Variants in COMMD10 observed in about 807,000 individuals in gnomAD.
COMMD10 encodes the protein COMM domain-containing protein 10.
Under a neutral mutation model 28.9 loss-of-function variants are expected in COMMD10, and 33 were observed. The ratio of observed to expected loss-of-function variants is 1.14; its 90% CI spans 0.87 to 1.53. The LOEUF is 1.53. Among genes scored for constraint, COMMD10 ranks in the 40% most tolerant of loss-of-function variants. The pLI is 0.00. For synonymous variants in COMMD10, 110 were observed against 81.7 expected (o/e 1.35, Z -1.87); for missense variants, 310 against 233.4 (o/e 1.33, Z -2.14).
chr5:116,187,266 A>G (rs1326365441), intron 5 of COMMD10, among the ~76,000 whole-genome samples: 1 of 152,154 alleles, frequency 6.6e-6, no homozygotes, highest in Non-Finnish European at 1.5e-5. Flanking sequence ...CTGAAAGCCA[A>G]ATGTTTAGCT....
At chr5:116,180,704 AT>A (rs144906822) in intron 5 of COMMD10, among the ~76,000 whole-genome samples, 4,289 of 152,174 alleles carry the variant, frequency 0.028, 105 homozygotes, top group East Asian at 0.14. Flanking sequence ...AACTAAAAAA[AT>A]ATATTCTTAA....
chr5:116,245,767 A>G (rs1749932908), intron 5 of COMMD10, among the ~76,000 whole-genome samples: 1 of 152,142 alleles, frequency 6.6e-6, no homozygotes, highest in Non-Finnish European at 1.5e-5. Flanking sequence ...AGATGCAGAA[A>G]AGGCATTTGA....
chr5:116,174,494 G>T lies in COMMD10; in HGVS notation c.510+40316G>T, dbSNP rs188909942. Among the ~76,000 whole-genome samples the T allele has an allele frequency of 1.2e-4, 18 of 152,270 alleles. No homozygotes were observed. In the East Asian group the frequency reaches 3.3e-3, roughly 28 times the overall value. Reference sequence around the variant, plus strand: ...ATAGCTACTGCACAGAAAACAGATTGCAAGGGAGCAATGATATAACTGATG... The same window carrying T: ...ATAGCTACTGCACAGAAAACAGATTTCAAGGGAGCAATGATATAACTGATG... On this transcript the variant is annotated intron_variant, in intron 5 of 6. Coordinates refer to ENST00000274458, the MANE Select transcript of COMMD10 (RefSeq NM_016144.4).
chr5:116,249,004 T>C (rs1021718439), intron 5 of COMMD10, among the ~76,000 whole-genome samples: 5 of 152,020 alleles, frequency 3.3e-5, no homozygotes, highest in African/African-American at 1.2e-4. Flanking sequence ...ATTATACTTT[T>C]AAGCTGTGTT....
intron 5 of COMMD10, among the ~76,000 whole-genome samples, chr5:116,262,046 C>T (rs1031218087): frequency 2.6e-5 from 4 of 151,566 alleles, no homozygotes; most frequent in Non-Finnish European, 5.9e-5. Flanking sequence ...GAAGGTAAGG[C>T]ACAGAGAGGT....
intron 5 of COMMD10, among the ~76,000 whole-genome samples, chr5:116,219,001 G>T (rs576278355): frequency 6.6e-6 from 1 of 152,132 alleles, no homozygotes; most frequent in South Asian, 2.1e-4. Context: ...TAAGGATAGG[G>T]CTATTATCCA....
chr5:116,167,374 G>A (rs1300045536), intron 5 of COMMD10, among the ~76,000 whole-genome samples: 4 of 152,138 alleles, frequency 2.6e-5, no homozygotes, highest in South Asian at 4.1e-4. Context: ...TTTGATTGGT[G>A]TACCTGAAAG....
chr5:116,182,674 T>A (rs1005443277), intron 5 of COMMD10, among the ~76,000 whole-genome samples: 1 of 152,028 alleles, frequency 6.6e-6, no homozygotes, highest in African/African-American at 2.4e-5. Context: ...TACTAAAAAA[T>A]TAGAAAGCCA....
chr5:116,259,179 C>T (rs577647430), intron 5 of COMMD10, among the ~76,000 whole-genome samples: 2 of 151,116 alleles, frequency 1.3e-5, no homozygotes, highest in East Asian at 2.0e-4. Flanking sequence ...TCTCCCACCT[C>T]AGCCTCCAGA....
In COMMD10 at chr5:116,194,557, A is replaced by G. The variant is rs185899313; in HGVS notation, c.510+60379A>G. Among the ~76,000 whole-genome samples, 104 of 152,342 alleles carry G rather than the reference A, an allele frequency of 6.8e-4. 1 individual carries two copies. In the Middle Eastern group the frequency reaches 0.01, roughly 15 times the overall value. On this transcript the variant is annotated intron_variant, in intron 5 of 6. Coordinates refer to ENST00000274458, the MANE Select transcript of COMMD10 (RefSeq NM_016144.4). ...GTGAACAACTTTATGCACATAAACT[A>G]GAAAACCAAGAAGAGATGGATAAAT...
At chr5:116,115,148 C>G (rs1215399766) in intron 4 of COMMD10, among the ~76,000 whole-genome samples, 4 of 152,062 alleles carry the variant, frequency 2.6e-5, no homozygotes, top group Admixed American at 2.0e-4. Context: ...GGTGTGGAAC[C>G]CAGGGTGTGT....
intron 5 of COMMD10, among the ~76,000 whole-genome samples, chr5:116,246,040 A>G: frequency 6.6e-6 from 1 of 152,310 alleles, no homozygotes; most frequent in East Asian, 1.9e-4. Flanking sequence ...AGAGGAAGTC[A>G]GACTATCCCT....
intron 5 of COMMD10, among the ~76,000 whole-genome samples, chr5:116,181,277 G>C (rs1027077669): frequency 2.0e-5 from 3 of 151,962 alleles, no homozygotes; most frequent in East Asian, 3.9e-4. Context: ...TGTATGGTCA[G>C]TTGATAATAT....
chr5:116,151,660 A>G (rs1226596586), intron 5 of COMMD10, among the ~76,000 whole-genome samples: 1 of 152,128 alleles, frequency 6.6e-6, no homozygotes, highest in Non-Finnish European at 1.5e-5. Context: ...TGTTCGTAGT[A>G]TTCTCTGATG....
At chr5:116,207,592 C>G (rs1356685980) in intron 5 of COMMD10, among the ~76,000 whole-genome samples, 40 of 152,050 alleles carry the variant, frequency 2.6e-4, no homozygotes, top group Admixed American at 2.6e-3. Flanking sequence ...GTGGCATGAT[C>G]TGGGCTCACT....
rs73253246 is a variant in COMMD10, at chr5:116,144,084, A to G, written c.510+9906A>G. Among the ~76,000 whole-genome samples, 1,208 of 151,908 alleles carry G rather than the reference A, an allele frequency of 8.0e-3. 15 individuals are homozygous for G. The highest frequency in any genetic ancestry group is 0.027 in the African/African-American group (1,115 of 41,492). On this transcript the variant is annotated intron_variant, in intron 5 of 6. Coordinates refer to ENST00000274458, the MANE Select transcript of COMMD10 (RefSeq NM_016144.4). ...AGGTACCTGAGATATCCAGGTGGAGATTGTCAGGTTTGTAGTCTGAGACAT... is the reference window on the plus strand; with the variant it reads ...AGGTACCTGAGATATCCAGGTGGAGGTTGTCAGGTTTGTAGTCTGAGACAT...
chr5:116,112,933 T>G (rs1751103990), intron 4 of COMMD10, among the ~76,000 whole-genome samples: 1 of 152,238 alleles, frequency 6.6e-6, no homozygotes, highest in Admixed American at 6.5e-5. Context: ...TATTTTTGTG[T>G]GTTTTCACAA....
At chr5:116,142,977 C>A (rs62385175) in intron 5 of COMMD10, among the ~76,000 whole-genome samples, 47 of 150,514 alleles carry the variant, frequency 3.1e-4, no homozygotes, top group Non-Finnish European at 4.6e-4. Context: ...TCATTGTGAT[C>A]AATTTCTCAA....
chr5:116,136,690 T>C (rs1212062788), intron 5 of COMMD10, among the ~76,000 whole-genome samples: 1 of 152,202 alleles, frequency 6.6e-6, no homozygotes, highest in Non-Finnish European at 1.5e-5. Flanking sequence ...AGATGTGAAA[T>C]CTAACTCATT....
Sources: allele counts gnomAD v4.1 joint callset (sites outside exome capture counted in the v4.1 genomes callset), GRCh38; gene constraint gnomAD v4.1.1; transcripts MANE v1.5; gene names NCBI Gene and HGNC (gene_info 2026-07-23, HGNC 2026-07-21).